OTUD7A: variants seen among roughly 807,000 people sequenced by gnomAD.
OTUD7A encodes the protein OTU domain-containing protein 7A.
OTUD7A carries 12 observed loss-of-function variants against 65.7 expected under a neutral mutation model. The ratio of observed to expected loss-of-function variants is 0.18; its 90% CI spans 0.12 to 0.30. The LOEUF (loss-of-function observed/expected upper bound fraction) is 0.30, where lower values mean the gene tolerates loss of function less well. Among genes scored for constraint, OTUD7A ranks in the 10% least tolerant of loss-of-function variants. The pLI, the probability that OTUD7A is intolerant of heterozygous loss-of-function variation, is 1.00. For synonymous variants in OTUD7A, 641 were observed against 586.3 expected (o/e 1.09, Z -1.35); for missense variants, 1,148 against 1,304.8 (o/e 0.88, Z 1.85).
At chr15:31,490,084 G>A (rs981280840) in intron 10 of OTUD7A, among the ~76,000 whole-genome samples, 6 of 152,250 alleles carry the variant, frequency 3.9e-5, no homozygotes, top group African/African-American at 7.2e-5. Flanking sequence ...GGACAGTTCC[G>A]GCCAGGAGGC....
chr15:31,752,827 A>C (rs1030614313), intron 1 of OTUD7A, among the ~76,000 whole-genome samples: 3 of 152,180 alleles, frequency 2.0e-5, no homozygotes, highest in Admixed American at 6.5e-5. Flanking sequence ...GCCATATAAC[A>C]AAGTCTGAGT....
At chr15:31,610,615 A>ATTTTTTTTTTTTTTTTTTT (rs1336235314) in intron 3 of OTUD7A, among the ~76,000 whole-genome samples, 1 of 32,848 alleles carries the variant, frequency 3.0e-5, no homozygotes. Flanking sequence ...ATATATATAT[A>ATTTTTTTTTTTTTTTTTTT]TATTTTTTTT....
chr15:31,508,008 G>A (rs1254098527), intron 8 of OTUD7A, among the ~76,000 whole-genome samples: 2 of 152,152 alleles, frequency 1.3e-5, no homozygotes, highest in South Asian at 2.1e-4. Context: ...GTGTGAAAAG[G>A]CTAGCTGTCA....
intron 3 of OTUD7A, among the ~76,000 whole-genome samples, chr15:31,572,683 T>C (rs1400076690): frequency 6.6e-6 from 1 of 152,038 alleles, no homozygotes; most frequent in Non-Finnish European, 1.5e-5. Context: ...CAGATATACA[T>C]GAACTCACAG....
intron 7 of OTUD7A, 92 bp from the exon 8 acceptor site, chr15:31,526,553 G>A (rs911679658): frequency 2.8e-6 from 3 of 1,059,258 alleles, no homozygotes; most frequent in Non-Finnish European, 4.0e-6. Flanking sequence ...GCCTCACCGG[G>A]ACCCAGGCCA....
At chr15:31,623,972 T>C (rs1890879227) in intron 3 of OTUD7A, among the ~76,000 whole-genome samples, 1 of 152,266 alleles carries the variant, frequency 6.6e-6, no homozygotes, top group Admixed American at 6.5e-5. Flanking sequence ...TTCATTAAGT[T>C]GTACAGTTAT....
chr15:31,681,580 T>A (rs1892719002), intron 1 of OTUD7A, among the ~76,000 whole-genome samples: 2 of 150,874 alleles, frequency 1.3e-5, no homozygotes, highest in South Asian at 4.2e-4. Context: ...CCTGAATGTC[T>A]GTCTATATAT....
intron 1 of OTUD7A, among the ~76,000 whole-genome samples, chr15:31,796,000 C>G (rs1567027057): frequency 6.6e-6 from 1 of 152,144 alleles, no homozygotes; most frequent in Non-Finnish European, 1.5e-5. Flanking sequence ...CTGCATCATC[C>G]TCGTTTCATA....
intron 1 of OTUD7A, among the ~76,000 whole-genome samples, chr15:31,852,600 A>G (rs1306834830): frequency 6.6e-6 from 1 of 152,212 alleles, no homozygotes; most frequent in Non-Finnish European, 1.5e-5. Flanking sequence ...CCTCCTCCAT[A>G]CAAAGGACCA....
intron 1 of OTUD7A, among the ~76,000 whole-genome samples, chr15:31,770,731 G>A (rs1185671593): frequency 6.6e-6 from 1 of 152,200 alleles, no homozygotes; most frequent in Non-Finnish European, 1.5e-5. Flanking sequence ...ATTTATTCCA[G>A]TAATAGAAGG....
chr15:31,638,867 G>A (rs965604907), intron 3 of OTUD7A, among the ~76,000 whole-genome samples: 6 of 152,080 alleles, frequency 3.9e-5, no homozygotes, highest in African/African-American at 1.2e-4. Flanking sequence ...AGGTGCGGTC[G>A]CTCACGCCTA....
At chr15:31,669,708 C>T (rs12912734) in intron 1 of OTUD7A, among the ~76,000 whole-genome samples, 25,798 of 151,932 alleles carry the variant, frequency 0.17, 2,334 homozygotes, top group East Asian at 0.25. Flanking sequence ...CAGCTGGAGA[C>T]TTCCTTCTCC....
intron 8 of OTUD7A, among the ~76,000 whole-genome samples, chr15:31,505,016 T>C (rs529124966): frequency 2.3e-4 from 35 of 152,260 alleles, no homozygotes; most frequent in African/African-American, 8.2e-4. Context: ...GAAATAGCAC[T>C]TGAATATAAA....
intron 1 of OTUD7A, among the ~76,000 whole-genome samples, chr15:31,731,121 T>C (rs1387212992): frequency 6.6e-6 from 1 of 152,174 alleles, no homozygotes; most frequent in Non-Finnish European, 1.5e-5. Context: ...GTTATAACTG[T>C]TTGATGTTTC....
chr15:31,549,966 G>A (rs916631555), intron 5 of OTUD7A, among the ~76,000 whole-genome samples: 1 of 152,036 alleles, frequency 6.6e-6, no homozygotes, highest in East Asian at 1.9e-4. Context: ...TGGGTTTGGT[G>A]GTGGGCACCT....
At chr15:31,719,870 A>C (rs1893687187) in intron 1 of OTUD7A, among the ~76,000 whole-genome samples, 2 of 151,844 alleles carry the variant, frequency 1.3e-5, no homozygotes, top group Admixed American at 1.3e-4. Context: ...CTACTCCCTG[A>C]AAGTGTCCCC....
At chr15:31,746,529 CAG>C (rs1894483897) in intron 1 of OTUD7A, among the ~76,000 whole-genome samples, 1 of 139,770 alleles carries the variant, frequency 7.2e-6, no homozygotes, top group Admixed American at 7.5e-5. Flanking sequence ...TTTTTTGAGA[CAG>C]AGTTTCACTC....
chr15:31,490,160 C>G (rs544236913), intron 10 of OTUD7A, among the ~76,000 whole-genome samples: 6 of 152,360 alleles, frequency 3.9e-5, no homozygotes, highest in African/African-American at 1.4e-4. Context: ...AACTGTACAC[C>G]CTGACATTTC....
intron 12 of OTUD7A, among the ~76,000 whole-genome samples, chr15:31,485,907 C>T (rs1423919544): frequency 6.6e-6 from 1 of 152,230 alleles, no homozygotes; most frequent in African/African-American, 2.4e-5. Flanking sequence ...CCACCTCCCA[C>T]TCTGACATTC....
Sources: gnomAD v4.1 joint callset for allele counts (sites outside exome capture counted in the v4.1 genomes callset) on GRCh38, gnomAD v4.1.1 for gene constraint, MANE v1.5 for transcripts, NCBI Gene and HGNC (gene_info 2026-07-23, HGNC 2026-07-21) for gene names.